PFKFB3: variants seen among roughly 807,000 people sequenced by gnomAD.
PFKFB3 encodes 6-phosphofructo-2-kinase/fructose-2,6-bisphosphatase 3.
Under a neutral mutation model 68.0 loss-of-function variants are expected in PFKFB3, and 33 were observed. That is an observed-to-expected ratio of 0.49 (90% CI 0.37 to 0.65). The LOEUF is 0.65. Among genes scored for constraint, PFKFB3 ranks in the 30% least tolerant of loss-of-function variants. The pLI, the probability that PFKFB3 is intolerant of heterozygous loss-of-function variation, is 0.00. For synonymous variants in PFKFB3, 315 were observed against 288.2 expected (o/e 1.09, Z -0.94); for missense variants, 586 against 712.2 (o/e 0.82, Z 2.02).
chr10:6,199,482 C>CTTTTT (rs58813981), upstream of PFKFB3, among the ~76,000 whole-genome samples: 1,153 of 141,588 alleles, frequency 8.1e-3, 19 homozygotes, highest in African/African-American at 0.029. Context: ...CAGGCACTTG[C>CTTTTT]TTTTTTTTTT....
At chr10:6,177,434 CT>C (rs1842536117) in intron 1 of PFKFB3, among the ~76,000 whole-genome samples, 2 of 50,190 alleles carry the variant, frequency 4.0e-5, no homozygotes, top group East Asian at 1.4e-3. Context: ...CCTTTCTTTT[CT>C]TTCTCTTTCT....
intron 1 of PFKFB3, among the ~76,000 whole-genome samples, chr10:6,148,490 G>C (rs373979819): frequency 3.3e-5 from 5 of 152,232 alleles, no homozygotes; most frequent in African/African-American, 9.6e-5. Context: ...TGGCCCAGGT[G>C]GGGGAAGGAT....
chr10:6,240,742 C>T (rs984182233), intron 14 of PFKFB3, among the ~76,000 whole-genome samples: 7 of 152,156 alleles, frequency 4.6e-5, no homozygotes, highest in African/African-American at 1.4e-4. Context: ...ATTCAGGTCT[C>T]ACCAGTTTTT....
chr10:6,177,468 C>CTTTCTTTCTTTCTTTCTT lies in PFKFB3; in HGVS notation c.16+32463_16+32480dup, dbSNP rs1842552757. On this transcript the variant is annotated intron_variant, in intron 1 of 14. Transcript: ENST00000379789. The stretch of plus-strand genomic sequence containing the variant: ...TCTTTCTTTCTTTCTTTCTTTCTTT[C>CTTTCTTTCTTTCTTTCTT]TTTCTTTCTTTCTTTCTTTTTCTTT... 1.5e-4 allele frequency among the ~76,000 whole-genome samples: 18 copies of CTTTCTTTCTTTCTTTCTT among 120,738 alleles called. No homozygotes were observed. In the South Asian group the frequency reaches 4.4e-3, roughly 30 times the overall value. The allele number at this position is 120,738 out of a possible 152,430, so 79.2% of individuals were successfully genotyped here.
chr10:6,189,735 G>A (rs12250554), intron 1 of PFKFB3, among the ~76,000 whole-genome samples: 6,693 of 151,356 alleles, frequency 0.044, 206 homozygotes, highest in Admixed American at 0.1. Flanking sequence ...GGCTGGTCTC[G>A]AACTCCTGAC....
chr10:6,304,245 CTAATGGATG>C, the PFKFB3 span, among the ~76,000 whole-genome samples: 2 of 152,082 alleles, frequency 1.3e-5, no homozygotes, highest in Admixed American at 6.5e-5. Flanking sequence ...CTGGAAAGCA[CTAATGGATG>C]TAACTGATGA....
At chr10:6,221,575 G>C in intron 9 of PFKFB3, 48 bp downstream of exon 9, 1 of 1,611,512 alleles carries the variant, frequency 6.2e-7, no homozygotes, top group Non-Finnish European at 8.5e-7. Context: ...GGCATGGGGC[G>C]GCTTCCCAAG....
chr10:6,325,765 A>G, the PFKFB3 span, among the ~76,000 whole-genome samples: 81,637 of 152,084 alleles, frequency 0.54, 22,426 homozygotes, highest in Non-Finnish European at 0.6. Flanking sequence ...CTGTCCTAGT[A>G]AAATGTTAGC....
chr10:6,278,792 C>T, the PFKFB3 span, among the ~76,000 whole-genome samples: 2 of 152,118 alleles, frequency 1.3e-5, no homozygotes, highest in Admixed American at 6.5e-5. Context: ...AATAAATGCT[C>T]GTTTAAGGAA....
rs574909646 is a variant in PFKFB3 at position 6,161,493 on chromosome 10, T to G, written c.16+16480T>G. On this transcript the variant is annotated intron_variant, in intron 1 of 14. Transcript: ENST00000379789. ...TAATCTTTATAAAAAATTTAAAAAATTATTTTATTTCATTTTGTCATGTCC... is the reference window on the plus strand; with the variant it reads ...TAATCTTTATAAAAAATTTAAAAAAGTATTTTATTTCATTTTGTCATGTCC... Among the ~76,000 whole-genome samples, 6 of 152,226 alleles carry G rather than the reference T, an allele frequency of 3.9e-5. No homozygotes were observed. The South Asian group carries it at 1.2e-3, about 32-fold the overall frequency.
intron 1 of PFKFB3, among the ~76,000 whole-genome samples, chr10:6,188,853 TA>T (rs1842942816): frequency 1.0e-5 from 1 of 99,458 alleles, no homozygotes; most frequent in Non-Finnish European, 2.2e-5. Context: ...TTTTTTTTTT[TA>T]GACGGAGTCT....
chr10:6,275,087 C>T, the PFKFB3 span, among the ~76,000 whole-genome samples: 3 of 152,092 alleles, frequency 2.0e-5, no homozygotes, highest in African/African-American at 4.8e-5. This position sits in a 1 kb window ranked among gnomAD's most constrained non-coding sequence, Gnocchi z 4.9. Context: ...TGTGGTTAGG[C>T]GACTCTGGGT....
At chr10:6,222,706 C>A in intron 10 of PFKFB3, 149 bp from the exon 11 acceptor site, 1 of 776,358 alleles carries the variant, frequency 1.3e-6, no homozygotes, top group Non-Finnish European at 1.9e-6. Flanking sequence ...AGCAATAGTC[C>A]ACGTTAAACC....
downstream of PFKFB3, among the ~76,000 whole-genome samples, chr10:6,240,002 A>C (rs1846104850): frequency 6.6e-6 from 1 of 152,170 alleles, no homozygotes; most frequent in South Asian, 2.1e-4. Context: ...GTACATTTGC[A>C]TAGATAATTT....
chr10:6,155,243 C>T (rs1464652819), intron 1 of PFKFB3, among the ~76,000 whole-genome samples: 1 of 142,214 alleles, frequency 7.0e-6, no homozygotes, highest in East Asian at 2.0e-4. Context: ...CGCTCTGTCG[C>T]CCAGGCTGGA....
the PFKFB3 span, among the ~76,000 whole-genome samples, chr10:6,323,724 A>G: frequency 6.6e-6 from 1 of 152,210 alleles, no homozygotes; most frequent in Non-Finnish European, 1.5e-5. Context: ...TTCACACCGA[A>G]GCCAATGACT....
chr10:6,214,118 C>T (rs1380543610), intron 2 of PFKFB3, among the ~76,000 whole-genome samples: 9 of 152,212 alleles, frequency 5.9e-5, no homozygotes, highest in Admixed American at 2.0e-4. Context: ...GTCTTCAACC[C>T]CCAGGCTGTG....
chr10:6,206,808 GC>G (rs1214592333), intron 1 of PFKFB3, among the ~76,000 whole-genome samples: 8 of 46,002 alleles, frequency 1.7e-4, no homozygotes, highest in Admixed American at 4.8e-4. Flanking sequence ...ACGATGGGCG[GC>G]CGGGCAGAGA....
the PFKFB3 span, among the ~76,000 whole-genome samples, chr10:6,268,483 G>C: frequency 2.6e-5 from 4 of 151,038 alleles, no homozygotes. Flanking sequence ...AAATTAGCCA[G>C]GGATGTTTGC....
Sources: allele counts gnomAD v4.1 joint callset (sites outside exome capture counted in the v4.1 genomes callset), GRCh38; gene constraint gnomAD v4.1.1; non-coding constraint Gnocchi (gnomAD v3.1); transcripts MANE v1.5; gene names NCBI Gene and HGNC (gene_info 2026-07-23, HGNC 2026-07-21).